The following BCAR1 variants were observed in gnomAD, a reference collection of about 807,000 sequenced individuals.
BCAR1 encodes the protein BCAR1 scaffold protein, Cas family member, also known as breast cancer anti-estrogen resistance protein 1.
A neutral mutation model predicts 67.6 loss-of-function variants in BCAR1; 30 were observed. That is an observed-to-expected ratio of 0.44 (90% CI 0.33 to 0.60). BCAR1 has a LOEUF of 0.60. Ranked by LOEUF, BCAR1 falls within the 20% of genes least tolerant of loss-of-function variation. The probability of loss-of-function intolerance (pLI) is 0.02; values close to 1 mark genes in which losing one functional copy is unlikely to be tolerated. For missense variants in BCAR1, 1,313 were observed against 1,222.3 expected (o/e 1.07, Z -1.11); for synonymous variants, 626 against 556.7 (o/e 1.12, Z -1.75).
intron 1 of BCAR1, chr16:75,265,036 G>A (rs893860968): frequency 6.6e-6 from 1 of 152,440 alleles, no homozygotes; most frequent in African/African-American, 2.4e-5. Flanking sequence ...AGGTGAGACT[G>A]AGATGCTCAG....
intron 1 of BCAR1, among the ~76,000 whole-genome samples, chr16:75,257,857 C>T (rs575586237): frequency 1.3e-5 from 2 of 152,346 alleles, no homozygotes; most frequent in East Asian, 3.9e-4. Flanking sequence ...CTCCTCTGCC[C>T]TGGGAGACCC....
chr16:75,251,520 G>C lies in BCAR1; in HGVS notation c.-38C>G. ...GCCTGGGGCCCCGGCTCTCGCGGGG[G>C]CGCACACCGAGCTGCCCGGGCCGCG... is the stretch of plus-strand genomic sequence containing the variant. On this transcript the variant is annotated 5_prime_UTR_variant, in exon 1 of 7. Transcript: ENST00000162330. 3.1e-6 allele frequency: 4 copies of C among 1,293,182 alleles called. No individual in the cohort carries two copies. Among genetic ancestry groups the C allele is most frequent in the Non-Finnish European group, 3.9e-6 (4 of 1,018,900 alleles). The allele number at this position is 1,293,182 out of a possible 1,614,324, so 80.1% of individuals were successfully genotyped here. A position where few individuals can be genotyped will look rare whatever the true frequency, so the allele number is the denominator to read the frequency against.
In BCAR1 at chr16:75,235,860, C is replaced by G. The variant is rs778097963; in HGVS notation, c.1039G>C (p.Val347Leu). ...GAGTCTGGAGGGGGCGCAGCCAGTA[C>G]CAGTGGGGTGCGGGCCGGGTCAAAG... ...KPFDPARTPLVLAAPPPDSPP... is the reference protein window; with the variant it reads ...KPFDPARTPLLLAAPPPDSPP... Residue 347 changes from valine to leucine, a missense_variant, in exon 5 of 7, where the codon GTA (valine) becomes CTA (leucine). Around this residue, in one of 2 missense-constraint regions of BCAR1, gnomAD observed 1,272 missense variants for 1,137.5 expected, o/e 1.12. Coordinates refer to ENST00000162330, the MANE Select transcript of BCAR1 (RefSeq NM_014567.5). 1.3e-6 allele frequency: 2 copies of G among 1,566,848 alleles called. No homozygotes were observed. Among genetic ancestry groups the G allele is most frequent in the Non-Finnish European group, 1.7e-6 (2 of 1,157,348 alleles).
chr16:75,257,170 G>T (rs1274293892), intron 1 of BCAR1, among the ~76,000 whole-genome samples: 1 of 152,196 alleles, frequency 6.6e-6, no homozygotes, highest in Non-Finnish European at 1.5e-5. Flanking sequence ...GTGTGGTCAG[G>T]AGGCCTCCCC....
chr16:75,242,319 C>T (rs1302434738), intron 2 of BCAR1, 151 bp downstream of exon 2: 27 of 1,248,338 alleles, frequency 2.2e-5, no homozygotes, highest in Admixed American at 7.5e-5. Flanking sequence ...TGAACACCCC[C>T]CAAACACTCA....
At position 75,242,767 on chromosome 16, in the gene BCAR1, G is replaced by T; in HGVS notation, c.336C>A (p.Asp112Glu). 1 of 1,596,772 alleles carries T rather than the reference G, an allele frequency of 6.3e-7. No individual in the cohort carries two copies. Among genetic ancestry groups the T allele is most frequent in the Non-Finnish European group, 8.5e-7 (1 of 1,171,694 alleles). ...MLPNTYQPQP[D>E]SVYLVPTPSK... Reference sequence around the variant, plus strand: ...TGGGAGTGGGCACCAGGTAGACGCTGTCTGGCTGGGGCTGGTAGGTGTTGG... The same window carrying T: ...TGGGAGTGGGCACCAGGTAGACGCTTTCTGGCTGGGGCTGGTAGGTGTTGG... The change falls in exon 2 of 7, where the codon GAC (aspartate) becomes GAA (glutamate). Residue 112 changes from aspartate to glutamate, a missense_variant. By Grantham distance (45) the Asp-to-Glu change is conservative. This residue lies in a region of BCAR1 where 1,272 missense variants were observed against 1,137.5 expected (regional missense o/e 1.12). Coordinates refer to ENST00000162330, the MANE Select transcript of BCAR1 (RefSeq NM_014567.5).
chr16:75,255,209 A>G (rs373353093), upstream of BCAR1, among the ~76,000 whole-genome samples: 30 of 152,358 alleles, frequency 2.0e-4, no homozygotes, highest in South Asian at 6.0e-3. Context: ...CAGTTTGCAC[A>G]GTGTAAAGGC....
chr16:75,237,028 C>T (rs112021773), intron 3 of BCAR1, 30 bp from the exon 4 acceptor site: 35 of 1,554,426 alleles, frequency 2.3e-5, no homozygotes, highest in African/African-American at 1.1e-4. Context: ...GGGTTAACGG[C>T]GCCAGGGCCA....
intron 1 of BCAR1, among the ~76,000 whole-genome samples, chr16:75,259,634 C>T (rs574199117): frequency 2.6e-5 from 4 of 151,960 alleles, no homozygotes; most frequent in African/African-American, 4.8e-5. Flanking sequence ...GGGCGGATCA[C>T]GAGGTCAGGA....
upstream of BCAR1, among the ~76,000 whole-genome samples, chr16:75,255,467 C>G (rs2151469144): frequency 6.6e-6 from 1 of 152,310 alleles, no homozygotes; most frequent in Non-Finnish European, 1.5e-5. Flanking sequence ...GTGGCTCACG[C>G]CTGTAATCTC....
At chr16:75,250,492 C>T (rs894717276) in intron 1 of BCAR1, among the ~76,000 whole-genome samples, 2 of 152,174 alleles carry the variant, frequency 1.3e-5, no homozygotes, top group South Asian at 2.1e-4. Flanking sequence ...AAAGCTGCGG[C>T]GGGCCCCGGG....
rs2077071163 is a variant in BCAR1, at chr16:75,235,331, C to T, written c.1568G>A (p.Arg523His). 7 of 1,601,670 alleles carry T rather than the reference C, an allele frequency of 4.4e-6. No individual in the cohort carries two copies. The highest frequency in any genetic ancestry group is 1.1e-5 in the South Asian group (1 of 90,948). The change falls in exon 5 of 7, where the codon CGC becomes CAC. Residue 523 changes from arginine (R) to histidine (H), a missense_variant. Around this residue, in one of 2 missense-constraint regions of BCAR1, gnomAD observed 1,272 missense variants for 1,137.5 expected, o/e 1.12. Coordinates refer to ENST00000162330, the MANE Select transcript of BCAR1 (RefSeq NM_014567.5). ...SAVHELLEFA[R>H]SAVGNAAHTS... The stretch of plus-strand genomic sequence containing the variant: ...GTGGGCAGCATTGCCCACCGCGCTG[C>T]GGGCAAACTCCAACAGCTCGTGGAC...
At chr16:75,245,467 G>C (rs776752069) in intron 1 of BCAR1, among the ~76,000 whole-genome samples, 168 of 152,354 alleles carry the variant, frequency 1.1e-3, no homozygotes, top group Admixed American at 2.9e-3. Flanking sequence ...CAGGCACTCA[G>C]AGAGGCTGAG....
chr16:75,255,762 C>T (rs548987185), upstream of BCAR1, among the ~76,000 whole-genome samples: 26 of 152,048 alleles, frequency 1.7e-4, no homozygotes, highest in Middle Eastern at 3.4e-3. Context: ...GAGGCCAAGG[C>T]GGGCAGATCA....
At chr16:75,252,667 T>C (rs1220712486), upstream of BCAR1, among the ~76,000 whole-genome samples, 1 of 152,218 alleles carries the variant, frequency 6.6e-6, no homozygotes, top group African/African-American at 2.4e-5. Flanking sequence ...GAGGCAGCCC[T>C]GGTGGCAGGG....
chr16:75,244,596 T>C (rs2077460346), intron 1 of BCAR1, among the ~76,000 whole-genome samples: 1 of 152,244 alleles, frequency 6.6e-6, no homozygotes, highest in Non-Finnish European at 1.5e-5. Flanking sequence ...CATGGTTCAC[T>C]TGCCCTGGGT....
intron 2 of BCAR1, chr16:75,238,660 T>A (rs1891459719): frequency 1.0e-6 from 1 of 986,070 alleles, no homozygotes; most frequent in East Asian, 1.1e-4. Flanking sequence ...GAGTCCCGGC[T>A]GGGGGCCTCC....
intron 2 of BCAR1, 50 bp downstream of exon 2, chr16:75,242,420 G>A: frequency 2.9e-6 from 4 of 1,358,218 alleles, no homozygotes; most frequent in Non-Finnish European, 3.8e-6. Flanking sequence ...CACAAACCAG[G>A]GCCTGGGCTA....
At chr16:75,232,611 T>C (rs1425495646) in intron 6 of BCAR1, among the ~76,000 whole-genome samples, 1 of 152,336 alleles carries the variant, frequency 6.6e-6, no homozygotes, top group African/African-American at 2.4e-5. Context: ...TTTTCTTTAG[T>C]AGATTTAACA....
Sources: allele counts gnomAD v4.1 joint callset (sites outside exome capture counted in the v4.1 genomes callset), GRCh38; gene constraint gnomAD v4.1.1; regional missense constraint gnomAD v4.1.1; transcripts MANE v1.5; gene names NCBI Gene and HGNC (gene_info 2026-07-23, HGNC 2026-07-21).